The following PI4KA variants were observed in gnomAD, a reference collection of about 807,000 sequenced individuals.
The protein encoded by PI4KA is phosphatidylinositol 4-kinase alpha.
PI4KA carries 122 observed loss-of-function variants against 271.4 expected under a neutral mutation model. The ratio of observed to expected loss-of-function variants is 0.45; its 90% CI spans 0.39 to 0.52. The LOEUF (loss-of-function observed/expected upper bound fraction) is 0.52, where lower values mean the gene tolerates loss of function less well. Ranked by LOEUF, PI4KA falls within the 20% of genes least tolerant of loss-of-function variation. PI4KA has a pLI of 0.00. For synonymous variants in PI4KA, 1,041 were observed against 1,078.8 expected (o/e 0.96, Z 0.69); for missense variants, 1,969 against 2,769.1 (o/e 0.71, Z 6.48).
chr22:20,849,312 T>C (rs1346706934), intron 1 of PI4KA, among the ~76,000 whole-genome samples: 1 of 152,128 alleles, frequency 6.6e-6, no homozygotes, highest in East Asian at 1.9e-4. Context: ...AAACCTAGAG[T>C]TATTGTATGG....
chr22:20,749,863 T>C (rs771252214), intron 28 of PI4KA, 42 bp downstream of exon 28: 2 of 1,255,016 alleles, frequency 1.6e-6, no homozygotes, highest in Non-Finnish European at 2.3e-6. Context: ...TTTGGGAGTT[T>C]GAAGGAGCTT....
intron 20 of PI4KA, 132 bp from the exon 21 acceptor site, chr22:20,765,368 T>C: frequency 9.9e-7 from 1 of 1,008,696 alleles, no homozygotes; most frequent in Non-Finnish European, 1.5e-6. Flanking sequence ...AAACGAAGTC[T>C]GTTACCTGAC....
chr22:20,709,426 G>C (rs1924961895), intron 53 of PI4KA, 47 bp from the exon 54 acceptor site: 1 of 927,354 alleles, frequency 1.1e-6, no homozygotes, highest in South Asian at 1.4e-5. Context: ...GGCCGTGCTG[G>C]CTCCCTGGCC....
intron 19 of PI4KA, chr22:20,787,566 G>T: frequency 1.1e-5 from 2 of 189,766 alleles, no homozygotes; most frequent in East Asian, 1.3e-4. Flanking sequence ...GGTGCCCTGG[G>T]CTAATGTTAG....
rs752974370 is a variant in PI4KA at position 20,796,288 on chromosome 22, G to A, written c.2135C>T (p.Ala712Val). 4 of 1,613,888 alleles carry A rather than the reference G, an allele frequency of 2.5e-6. No homozygotes were observed. The highest frequency in any genetic ancestry group is 2.2e-5 in the South Asian group (2 of 91,014). The change falls in exon 18 of 55, where the codon GCC becomes GTC. Residue 712 changes from alanine (A) to valine (V), a missense_variant. Physicochemically the swap from Ala to Val is moderately conservative, Grantham distance 64. Transcript: ENST00000255882. Reference protein sequence around the residue: ...YRHCSLAVINALANIAANIQD... With the variant: ...YRHCSLAVINVLANIAANIQD... ...GATGTTGGCCGCGATGTTGGCCAGG[G>A]CATTAATCACTGCCAGGGAGCAATG...
chr22:20,754,037 T>C (rs1296301893), intron 23 of PI4KA, among the ~76,000 whole-genome samples: 1 of 152,044 alleles, frequency 6.6e-6, no homozygotes. Flanking sequence ...CAGTATCTCT[T>C]ATTACTGGTG....
At chr22:20,749,515 T>A (rs1487202325) in intron 28 of PI4KA, among the ~76,000 whole-genome samples, 1 of 152,266 alleles carries the variant, frequency 6.6e-6, no homozygotes, top group Non-Finnish European at 1.5e-5. Context: ...CTGCCTCTGC[T>A]CCACCAGCCT....
chr22:20,828,389 A>G (rs1441079598), intron 3 of PI4KA, among the ~76,000 whole-genome samples: 1 of 152,104 alleles, frequency 6.6e-6, no homozygotes, highest in African/African-American at 2.4e-5. Context: ...TTCCAGAACT[A>G]TGCTGGATAG....
intron 50 of PI4KA, among the ~76,000 whole-genome samples, chr22:20,712,052 GTTT>G (rs950702398): frequency 1.4e-5 from 2 of 144,216 alleles, no homozygotes; most frequent in African/African-American, 5.1e-5. Context: ...AGGTGCCCTG[GTTT>G]TTTTGTGTTT....
At position 20,765,162 on chromosome 22, in the gene PI4KA, T is replaced by C. The variant is rs1447697440; in HGVS notation, c.2512A>G (p.Lys838Glu). ...TGGAGGACGGACCGCAGTGGCTCCT[T>C]GCTGGGAAAGGTGAGCAAGGGGGAC... ...TKSPLLTFPSKEPLRSVLQYN... is the reference protein window; with the variant it reads ...TKSPLLTFPSEEPLRSVLQYN... Residue 838 changes from lysine to glutamate, a missense_variant, in exon 21 of 55, where the codon AAG becomes GAG. This residue lies in a region of PI4KA where 368 missense variants were observed against 544.3 expected (regional missense o/e 0.68). Coordinates refer to ENST00000255882, the MANE Select transcript of PI4KA (RefSeq NM_058004.4). The C allele has an allele frequency of 1.2e-6, 2 of 1,614,076 alleles. No individual in the cohort carries two copies. The highest frequency in any genetic ancestry group is 2.2e-5 in the South Asian group (2 of 91,070).
chr22:20,852,473 G>A (rs1176909206), intron 1 of PI4KA, among the ~76,000 whole-genome samples: 1 of 152,172 alleles, frequency 6.6e-6, no homozygotes, highest in African/African-American at 2.4e-5. Context: ...ATATATCTGT[G>A]TTGTTTAAGC....
intron 3 of PI4KA, among the ~76,000 whole-genome samples, chr22:20,829,593 T>TA (rs60474537): frequency 1.4e-3 from 220 of 151,740 alleles, no homozygotes; most frequent in African/African-American, 5.0e-3. Flanking sequence ...TTTTTTTTTT[T>TA]ATTCAAAAAA....
chr22:20,788,346 G>T (rs564356357), intron 19 of PI4KA, among the ~76,000 whole-genome samples: 2 of 152,216 alleles, frequency 1.3e-5, no homozygotes, highest in Admixed American at 6.5e-5. Context: ...ATACCAGTAA[G>T]AAGAGTGGTA....
chr22:20,747,363 T>TAAA, intron 29 of PI4KA: 1 of 372,432 alleles, frequency 2.7e-6, no homozygotes, highest in Non-Finnish European at 4.8e-6. Flanking sequence ...TCCATAAATT[T>TAAA]AAAAAAAAAA....
At chr22:20,858,495 C>T in intron 1 of PI4KA, 75 bp downstream of exon 1, 1 of 1,119,562 alleles carries the variant, frequency 8.9e-7, no homozygotes, top group Non-Finnish European at 1.2e-6. Flanking sequence ...CTCCCACAGA[C>T]CCTCGTCCCG....
At chr22:20,743,127 C>T (rs1568978445) in intron 30 of PI4KA, among the ~76,000 whole-genome samples, 1 of 152,138 alleles carries the variant, frequency 6.6e-6, no homozygotes, top group Non-Finnish European at 1.5e-5. Flanking sequence ...CAATTAATGA[C>T]TCAAACAACA....
rs1188980547 is a variant in PI4KA, at chr22:20,712,360, G to A, written c.5802+126C>T. The A allele has an allele frequency of 3.9e-6, 6 of 1,548,548 alleles. No homozygotes were observed. The South Asian group carries it at 7.2e-5, about 19-fold the overall frequency. On this transcript the variant is annotated intron_variant, in intron 50 of 54. Coordinates refer to ENST00000255882, the MANE Select transcript of PI4KA (RefSeq NM_058004.4). ...GTGAGCCACCGTGCCCGGCCCAGGT[G>A]CCCTGGTTTTAACCCTTAACAAAGG...
chr22:20,729,911 G>A lies in PI4KA; in HGVS notation c.4389C>T (p.Ser1463=), dbSNP rs759404929. 3.1e-6 allele frequency: 5 copies of A among 1,614,158 alleles called. No individual in the cohort carries two copies. In the East Asian group the frequency reaches 1.1e-4, roughly 36 times the overall value. Residue 1463 remains serine, a synonymous_variant, in exon 37 of 55, where the codon TCC becomes TCT. Coordinates refer to ENST00000255882, the MANE Select transcript of PI4KA (RefSeq NM_058004.4). ...INTYPLSSGM[S]TISKKSGMSK... The stretch of plus-strand genomic sequence containing the variant: ...ACCGACCTGATTTCTTGGAGATGGT[G>A]GACATGCCGCTGGACAGGGGGTATG...
At chr22:20,718,639 C>G (rs1477447965) in intron 44 of PI4KA, 54 bp downstream of exon 44, 1 of 1,596,646 alleles carries the variant, frequency 6.3e-7, no homozygotes, top group Non-Finnish European at 8.6e-7. Flanking sequence ...TTCTGTTAAG[C>G]TGCAGGGACT....
Sources: gnomAD v4.1 joint callset for allele counts (sites outside exome capture counted in the v4.1 genomes callset) on GRCh38, gnomAD v4.1.1 for gene constraint, gnomAD v4.1.1 regional missense constraint, MANE v1.5 for transcripts, NCBI Gene and HGNC (gene_info 2026-07-23, HGNC 2026-07-21) for gene names.